Variants in AUTS2 observed in about 807,000 individuals in gnomAD.
AUTS2 encodes activator of transcription and developmental regulator AUTS2, also known as autism susceptibility gene 2 protein.
In AUTS2, 17 loss-of-function variants were observed where a neutral mutation model predicts 112.4. The observed-to-expected ratio is 0.15, with a 90% CI of 0.10 to 0.23. The LOEUF is 0.23. Among genes scored for constraint, AUTS2 ranks in the 10% least tolerant of loss-of-function variants. The probability of loss-of-function intolerance (pLI) is 1.00; values close to 1 mark genes in which losing one functional copy is unlikely to be tolerated. For synonymous variants in AUTS2, 751 were observed against 702.7 expected, an observed-to-expected ratio of 1.07 and a Z score of -1.09; for missense variants, 1,510 against 1,701.6, an observed-to-expected ratio of 0.89 and a Z score of 1.98.
At chr7:70,435,831 A>C (rs762340238) in intron 5 of AUTS2, 50 bp downstream of exon 5, 6 of 1,585,932 alleles carry the variant, frequency 3.8e-6, no homozygotes, top group Non-Finnish European at 3.5e-6. Context: ...CACACTGAAC[A>C]CCAGAGTCCT....
chr7:70,431,300 C>A (rs1337571419), intron 4 of AUTS2, among the ~76,000 whole-genome samples: 1 of 152,136 alleles, frequency 6.6e-6, no homozygotes, highest in Non-Finnish European at 1.5e-5. Flanking sequence ...ATCCTTAAGA[C>A]TGGAAAGACT....
At chr7:70,747,789 C>T (rs1434496801) in intron 6 of AUTS2, among the ~76,000 whole-genome samples, 3 of 145,084 alleles carry the variant, frequency 2.1e-5, no homozygotes, top group African/African-American at 5.2e-5. Flanking sequence ...CCCAGCCCAG[C>T]GAGCTCATTT....
intron 1 of AUTS2, among the ~76,000 whole-genome samples, chr7:69,879,696 A>G (rs1478159173): frequency 2.0e-5 from 3 of 152,222 alleles, no homozygotes; most frequent in Non-Finnish European, 4.4e-5. Flanking sequence ...AAAATGTTAA[A>G]TAACTTACCT....
chr7:70,591,511 C>T (rs992790533), intron 5 of AUTS2, among the ~76,000 whole-genome samples: 2 of 152,158 alleles, frequency 1.3e-5, no homozygotes, highest in Non-Finnish European at 2.9e-5. Context: ...GGTTCTTCTG[C>T]CTCAGCCACC....
At chr7:69,824,439 G>A (rs973778463) in intron 1 of AUTS2, 1 of 151,814 alleles carries the variant, frequency 6.6e-6, no homozygotes, top group Admixed American at 6.6e-5. Flanking sequence ...GATACTTAAT[G>A]TCATAAATCA....
rs2129582589 is a variant in AUTS2, at chr7:70,189,605, C to G, written c.660+55034C>G. Among the ~76,000 whole-genome samples the G allele has an allele frequency of 1.3e-5, 2 of 152,278 alleles. 1 individual carries two copies. Among genetic ancestry groups the G allele is most frequent in the South Asian group, 4.2e-4 (2 of 4,818 alleles). On this transcript the variant is annotated intron_variant, in intron 4 of 18. Coordinates refer to ENST00000342771, the MANE Select transcript of AUTS2 (RefSeq NM_015570.4). ...TGTGAAAGATACAAAGTATTGCCTG[C>G]CTAAGTCTCAGTTTCTTTGTCTGTA...
intron 1 of AUTS2, among the ~76,000 whole-genome samples, chr7:69,888,434 C>T (rs1794369748): frequency 6.6e-6 from 1 of 150,532 alleles, no homozygotes; most frequent in African/African-American, 2.4e-5. Flanking sequence ...AAGAACCTCT[C>T]TTAGTTCTAT....
chr7:70,328,799 A>G (rs1239303443), intron 4 of AUTS2, among the ~76,000 whole-genome samples: 1 of 152,250 alleles, frequency 6.6e-6, no homozygotes, highest in Non-Finnish European at 1.5e-5. Flanking sequence ...AAATTCACGT[A>G]ATATAAAATT....
intron 1 of AUTS2, among the ~76,000 whole-genome samples, chr7:69,757,045 T>A (rs1159308620): frequency 6.6e-6 from 1 of 152,240 alleles, no homozygotes; most frequent in Non-Finnish European, 1.5e-5. Context: ...AAATTCTTTC[T>A]CACTTCTGTA....
At chr7:70,049,922 A>T (rs974130569) in intron 2 of AUTS2, among the ~76,000 whole-genome samples, 10 of 152,178 alleles carry the variant, frequency 6.6e-5, no homozygotes, top group Non-Finnish European at 1.3e-4. Context: ...AAGATACATT[A>T]CGAAGATAAT....
chr7:70,498,467 G>A (rs1242790283), intron 5 of AUTS2, among the ~76,000 whole-genome samples: 1 of 152,050 alleles, frequency 6.6e-6, no homozygotes, highest in African/African-American at 2.4e-5. Context: ...ATGTTTTCCT[G>A]GTTTTTAATG....
At chr7:70,188,090 C>T (rs1484961637) in intron 4 of AUTS2, among the ~76,000 whole-genome samples, 1 of 152,214 alleles carries the variant, frequency 6.6e-6, no homozygotes. Context: ...TGTCCCATCA[C>T]ATTCATTCAT....
At chr7:70,489,910 A>G (rs927861798) in intron 5 of AUTS2, among the ~76,000 whole-genome samples, 1 of 152,244 alleles carries the variant, frequency 6.6e-6, no homozygotes, top group Non-Finnish European at 1.5e-5. Context: ...TTTCTAAAAA[A>G]TCCATGGGTC....
rs1215168126 is a variant in AUTS2 at position 70,241,597 on chromosome 7, C to T, written c.660+107026C>T. Among the ~76,000 whole-genome samples, 3 of 152,156 alleles carry T rather than the reference C, an allele frequency of 2.0e-5. No individual in the cohort carries two copies. The East Asian group carries it at 5.8e-4, about 29-fold the overall frequency. ...TCCTTCATCCCTAGCCCCTGTGGGA[C>T]CCCTGTAAGAAAAATGGGAGGGGAG... On this transcript the variant is annotated intron_variant, in intron 4 of 18. Coordinates refer to ENST00000342771, the MANE Select transcript of AUTS2 (RefSeq NM_015570.4).
chr7:69,881,287 C>G (rs116674016), intron 1 of AUTS2, among the ~76,000 whole-genome samples: 1 of 151,994 alleles, frequency 6.6e-6, no homozygotes, highest in Non-Finnish European at 1.5e-5. Flanking sequence ...CCTTTTTCCC[C>G]GTCTTTCCCT....
At chr7:70,548,102 C>T (rs1800862354) in intron 5 of AUTS2, among the ~76,000 whole-genome samples, 1 of 152,178 alleles carries the variant, frequency 6.6e-6, no homozygotes, top group South Asian at 2.1e-4. Context: ...GTTTCCTTTG[C>T]ATTTCCGTAT....
At position 69,837,927 on chromosome 7, in the gene AUTS2, C is replaced by T. The variant is rs144028467; in HGVS notation, c.310-61359C>T. Among the ~76,000 whole-genome samples the T allele has an allele frequency of 6.8e-3, 1,029 of 152,268 alleles. 6 individuals are homozygous for T. The highest frequency in any genetic ancestry group is 0.012 in the Non-Finnish European group (802 of 68,014). ...ATTTATGATGCGGATCTCTGTTGAG[C>T]AGCAGCCTCTGCCTGCAGCTAAGGC... On this transcript the variant is annotated intron_variant, in intron 1 of 18. Coordinates refer to ENST00000342771, the MANE Select transcript of AUTS2 (RefSeq NM_015570.4).
chr7:70,242,504 C>G (rs1812670853), intron 4 of AUTS2, among the ~76,000 whole-genome samples: 1 of 152,144 alleles, frequency 6.6e-6, no homozygotes, highest in Non-Finnish European at 1.5e-5. Flanking sequence ...TATGTTAAAA[C>G]AAATTAAATA....
At chr7:69,960,223 T>C (rs1797375694) in intron 2 of AUTS2, among the ~76,000 whole-genome samples, 2 of 152,190 alleles carry the variant, frequency 1.3e-5, no homozygotes, top group South Asian at 4.1e-4. Flanking sequence ...ACAGCTATAA[T>C]TACTAATTGC....
Sources: allele counts gnomAD v4.1 joint callset (sites outside exome capture counted in the v4.1 genomes callset), GRCh38; gene constraint gnomAD v4.1.1; transcripts MANE v1.5; gene names NCBI Gene and HGNC (gene_info 2026-07-23, HGNC 2026-07-21).